The following RBFOX1 variants were observed in gnomAD, a reference collection of about 807,000 sequenced individuals.
RBFOX1 encodes RNA binding fox-1 homolog 1.
RBFOX1 carries 8 observed loss-of-function variants against 57.7 expected under a neutral mutation model. The observed-to-expected ratio is 0.14, with a 90% CI of 0.08 to 0.25. The LOEUF (loss-of-function observed/expected upper bound fraction) is 0.25, where lower values mean the gene tolerates loss of function less well. Ranked by LOEUF, RBFOX1 falls within the 10% of genes least tolerant of loss-of-function variation. RBFOX1 has a pLI of 1.00. For synonymous variants in RBFOX1, 326 were observed against 222.4 expected (o/e 1.47, Z -4.15); for missense variants, 611 against 548.5 (o/e 1.11, Z -1.14).
intron 1 of RBFOX1, among the ~76,000 whole-genome samples, chr16:6,095,499 G>T (rs1012105720): frequency 6.6e-6 from 1 of 152,044 alleles, no homozygotes; most frequent in Non-Finnish European, 1.5e-5. Context: ...TTCAGTTTCT[G>T]GGTTTTCACA....
chr16:6,270,012 C>T (rs2075011272), intron 1 of RBFOX1, among the ~76,000 whole-genome samples: 1 of 151,974 alleles, frequency 6.6e-6, no homozygotes, highest in Non-Finnish European at 1.5e-5. Flanking sequence ...GAAAACATAG[C>T]ACCAGGCTGT....
At chr16:6,849,568 C>T (rs2093954851) in intron 3 of RBFOX1, among the ~76,000 whole-genome samples, 1 of 152,158 alleles carries the variant, frequency 6.6e-6, no homozygotes, top group African/African-American at 2.4e-5. Context: ...ACTCCACAGG[C>T]TGAGACAGGA....
intron 3 of RBFOX1, among the ~76,000 whole-genome samples, chr16:6,983,325 C>T (rs546613780): frequency 8.6e-5 from 13 of 151,876 alleles, no homozygotes; most frequent in Admixed American, 4.6e-4. Context: ...TTTCTTTAGC[C>T]GTAAATAAAT....
At chr16:6,924,577 G>A (rs1022885529) in intron 3 of RBFOX1, among the ~76,000 whole-genome samples, 4 of 151,930 alleles carry the variant, frequency 2.6e-5, no homozygotes, top group African/African-American at 9.7e-5. Flanking sequence ...TATCCAAACT[G>A]TATCACCGAG....
intron 2 of RBFOX1, among the ~76,000 whole-genome samples, chr16:6,389,256 G>C (rs1196321234): frequency 6.6e-6 from 1 of 152,218 alleles, no homozygotes; most frequent in Non-Finnish European, 1.5e-5. Context: ...TGGGAAAGGA[G>C]AGAATAATGA....
At chr16:6,839,842 C>G (rs1386713880) in intron 3 of RBFOX1, among the ~76,000 whole-genome samples, 2 of 152,202 alleles carry the variant, frequency 1.3e-5, no homozygotes, top group Non-Finnish European at 1.5e-5. Flanking sequence ...AATCATACCT[C>G]TGTTCTTACG....
chr16:7,532,561 C>A (rs1317811857), intron 5 of RBFOX1, among the ~76,000 whole-genome samples: 1 of 152,208 alleles, frequency 6.6e-6, no homozygotes, highest in African/African-American at 2.4e-5. Context: ...CTTGCCTAGT[C>A]TAGCTGTGGA....
chr16:5,442,064 A>G (rs1271360607), intron 1 of RBFOX1, among the ~76,000 whole-genome samples: 2 of 152,154 alleles, frequency 1.3e-5, no homozygotes, highest in Admixed American at 1.3e-4. Context: ...GTCGTCATGC[A>G]GAGAGTTGGG....
chr16:5,480,743 G>A (rs1425500689), intron 2 of RBFOX1, among the ~76,000 whole-genome samples: 1 of 152,072 alleles, frequency 6.6e-6, no homozygotes, highest in Non-Finnish European at 1.5e-5. Context: ...CTTGTATCTT[G>A]GAGCCCCTTC....
At chr16:6,340,600 C>G (rs951728579) in intron 2 of RBFOX1, among the ~76,000 whole-genome samples, 6 of 152,198 alleles carry the variant, frequency 3.9e-5, no homozygotes, top group Admixed American at 2.6e-4. Flanking sequence ...TATTTGTAAA[C>G]TGTCATGGCA....
At chr16:5,837,076 T>C (rs2056480391) in intron 3 of RBFOX1, among the ~76,000 whole-genome samples, 1 of 152,088 alleles carries the variant, frequency 6.6e-6, no homozygotes, top group Non-Finnish European at 1.5e-5. Flanking sequence ...GGTCCCTTCT[T>C]AGGGGACACT....
intron 1 of RBFOX1, among the ~76,000 whole-genome samples, chr16:6,069,268 C>T (rs1437613748): frequency 1.3e-5 from 2 of 151,946 alleles, no homozygotes; most frequent in African/African-American, 4.8e-5. Context: ...CGTAGGGGCA[C>T]ATACCTGTAA....
At chr16:6,646,091 A>C (rs1005244159) in intron 2 of RBFOX1, among the ~76,000 whole-genome samples, 1 of 84,054 alleles carries the variant, frequency 1.2e-5, no homozygotes, top group African/African-American at 5.3e-5. Context: ...CAAAATTCAT[A>C]CTTAACACTT....
intron 2 of RBFOX1, among the ~76,000 whole-genome samples, chr16:6,611,566 A>C (rs2098054590): frequency 6.6e-6 from 1 of 151,586 alleles, no homozygotes; most frequent in Non-Finnish European, 1.5e-5. Flanking sequence ...ATCACATGAG[A>C]CTCCACAGTG....
intron 3 of RBFOX1, among the ~76,000 whole-genome samples, chr16:6,736,114 C>G (rs906887634): frequency 6.6e-6 from 1 of 152,028 alleles, no homozygotes; most frequent in Non-Finnish European, 1.5e-5. Flanking sequence ...TCCAAGGAGA[C>G]ATAAATACAA....
chr16:7,344,724 C>G (rs1396692830), intron 4 of RBFOX1, among the ~76,000 whole-genome samples: 1 of 152,178 alleles, frequency 6.6e-6, no homozygotes, highest in Non-Finnish European at 1.5e-5. Flanking sequence ...CAAAGTGGAA[C>G]AATTTGCCCT....
At chr16:5,335,855 C>T (rs2064882463) in intron 1 of RBFOX1, among the ~76,000 whole-genome samples, 1 of 152,122 alleles carries the variant, frequency 6.6e-6, no homozygotes, top group East Asian at 1.9e-4. Flanking sequence ...TCTCAGACTG[C>T]CGACTCTTTG....
intron 4 of RBFOX1, among the ~76,000 whole-genome samples, chr16:5,909,489 A>T (rs1194494447): frequency 6.6e-6 from 1 of 152,252 alleles, no homozygotes; most frequent in Non-Finnish European, 1.5e-5. Context: ...GCCTCCCGTC[A>T]GTCAGTCCTC....
chr16:6,640,957 C>G (rs1282691608), intron 2 of RBFOX1, among the ~76,000 whole-genome samples: 2 of 152,140 alleles, frequency 1.3e-5, no homozygotes, highest in East Asian at 3.9e-4. Context: ...AGCCATGCTA[C>G]TCAAATGGAA....
Sources: gnomAD v4.1 joint callset for allele counts (sites outside exome capture counted in the v4.1 genomes callset) on GRCh38, gnomAD v4.1.1 for gene constraint, MANE v1.5 for transcripts, NCBI Gene and HGNC (gene_info 2026-07-23, HGNC 2026-07-21) for gene names.